The following FBRSL1 variants were observed in gnomAD, a reference collection of about 807,000 sequenced individuals.
FBRSL1 encodes fibrosin-1-like protein.
A neutral mutation model predicts 89.6 loss-of-function variants in FBRSL1; 51 were observed. That is an observed-to-expected ratio of 0.57 (90% CI 0.45 to 0.72). FBRSL1 has a LOEUF of 0.72. Among genes scored for constraint, FBRSL1 ranks in the 30% least tolerant of loss-of-function variants. FBRSL1 has a pLI of 0.00. For synonymous variants in FBRSL1, 779 were observed against 681.1 expected (o/e 1.14, Z -2.24); for missense variants, 1,618 against 1,451.8 (o/e 1.11, Z -1.86).
chr12:132,568,076 G>A (rs1342402664), intron 6 of FBRSL1, among the ~76,000 whole-genome samples: 1 of 148,466 alleles, frequency 6.7e-6, no homozygotes, highest in African/African-American at 2.6e-5. Context: ...TTCGTAACCT[G>A]TGGCTGTGAG....
intron 1 of FBRSL1, among the ~76,000 whole-genome samples, chr12:132,501,811 C>T (rs1008139489): frequency 1.3e-5 from 2 of 152,040 alleles, no homozygotes; most frequent in Non-Finnish European, 1.5e-5. Context: ...CAGGAGCTGG[C>T]GGGGAGCAGG....
chr12:132,556,313 G>A (rs572502037), intron 5 of FBRSL1, among the ~76,000 whole-genome samples: 10 of 152,168 alleles, frequency 6.6e-5, no homozygotes, highest in South Asian at 2.1e-4. Context: ...ACACCTCTGC[G>A]ACAGACAGAA....
At chr12:132,511,092 A>C in intron 2 of FBRSL1, 1 of 985,586 alleles carries the variant, frequency 1.0e-6, no homozygotes, top group Non-Finnish European at 1.2e-6. Flanking sequence ...CCTGGTAGTC[A>C]GGAGGTGCTG....
intron 2 of FBRSL1, chr12:132,510,888 G>T: frequency 9.9e-7 from 1 of 1,012,186 alleles, no homozygotes; most frequent in Non-Finnish European, 1.2e-6. Context: ...CTGAGTCTAC[G>T]TGCACGCTTG....
At chr12:132,561,238 A>T (rs2039096738) in intron 5 of FBRSL1, among the ~76,000 whole-genome samples, 1 of 151,250 alleles carries the variant, frequency 6.6e-6, no homozygotes, top group South Asian at 2.1e-4. Context: ...TGCTAAGTGT[A>T]GGGCCCACTG....
At chr12:132,554,560 TC>T (rs1183167710) in intron 5 of FBRSL1, 1 of 152,244 alleles carries the variant, frequency 6.6e-6, no homozygotes, top group Non-Finnish European at 1.5e-5. Flanking sequence ...ATGCCTGTAA[TC>T]CCAGCACTTT....
chr12:132,521,636 G>C (rs777157136), intron 2 of FBRSL1, among the ~76,000 whole-genome samples: 1 of 152,222 alleles, frequency 6.6e-6, no homozygotes, highest in Non-Finnish European at 1.5e-5. Flanking sequence ...TGAATGTGAT[G>C]CCATGGGATG....
Position 132,499,051 on chromosome 12 carries a change from G to A in FBRSL1, c.291+8190G>A, listed in dbSNP as rs1326773595. Among the ~76,000 whole-genome samples the A allele has an allele frequency of 6.6e-6, 1 of 152,200 alleles. No individual in the cohort carries two copies. The highest frequency in any genetic ancestry group is 1.5e-5 in the Non-Finnish European group (1 of 68,030). On this transcript the variant is annotated intron_variant, in intron 1 of 18. Coordinates refer to ENST00000680143, the MANE Select transcript of FBRSL1 (RefSeq NM_001367871.1). This position sits in a 1 kb window ranked among gnomAD's most constrained non-coding sequence, Gnocchi z 4.3. ...GTACCTGCCACCTCTGCTGTCCCCT[G>A]GGACAGTGCTCTGCAAGGCCTCCAG...
In FBRSL1 at chr12:132,581,429, C is replaced by T. The variant is rs777196823; in HGVS notation, c.1835-10C>T. Reference sequence around the variant, plus strand: ...TCCTGGCTTCTGTCAAACCTGGCTGCCCCCCCCAGGTGCCGCCCATCCTGC... The same window carrying T: ...TCCTGGCTTCTGTCAAACCTGGCTGTCCCCCCCAGGTGCCGCCCATCCTGC... On this transcript the variant is annotated splice_polypyrimidine_tract_variant and intron_variant, in intron 15 of 18. Coordinates refer to ENST00000680143, the MANE Select transcript of FBRSL1 (RefSeq NM_001367871.1). 6 of 1,545,342 alleles carry T rather than the reference C, an allele frequency of 3.9e-6. No individual in the cohort carries two copies. The highest frequency in any genetic ancestry group is 1.2e-5 in the South Asian group (1 of 83,920).
Position 132,582,215 on chromosome 12 carries a change from C to T in FBRSL1, c.2150C>T (p.Ala717Val), listed in dbSNP as rs1405496180. ...PKSVDAERVS[A>V]LTNHDREPDN... is the part of the protein sequence containing the mutation. ...TCCGTGGACGCGGAGCGGGTGTCAG[C>T]CCTGACCAACCATGACCGAGAGCCG... Residue 717 changes from alanine (A) to valine (V), a missense_variant, in exon 18 of 19, where the codon GCC (alanine) becomes GTC (valine). Physicochemically the swap from Ala to Val is moderately conservative, Grantham distance 64. Coordinates refer to ENST00000680143, the MANE Select transcript of FBRSL1 (RefSeq NM_001367871.1). 3 of 1,550,098 alleles carry T rather than the reference C, an allele frequency of 1.9e-6. No individual in the cohort carries two copies. Among genetic ancestry groups the T allele is most frequent in the Non-Finnish European group, 2.6e-6 (3 of 1,146,886 alleles).
At chr12:132,496,831 C>A (rs762107161) in intron 1 of FBRSL1, among the ~76,000 whole-genome samples, 1 of 141,180 alleles carries the variant, frequency 7.1e-6, no homozygotes, top group African/African-American at 2.6e-5. Flanking sequence ...GCGCTTCCTT[C>A]CCAGGCCCTG....
In FBRSL1 at chr12:132,508,773, C is replaced by T. The variant is rs117378877; in HGVS notation, c.489+423C>T. Among the ~76,000 whole-genome samples, 74 of 152,360 alleles carry T rather than the reference C, an allele frequency of 4.9e-4. 1 individual carries two copies. In the East Asian group the frequency reaches 8.1e-3, roughly 17 times the overall value. On this transcript the variant is annotated intron_variant, in intron 2 of 18. Transcript: ENST00000680143. ...CAGCGCCATCCGCTCACGTGTGCGG[C>T]GTGGGGAAGGGAATACTTGGTCCCG...
At chr12:132,541,640 C>T (rs1414160259) in intron 4 of FBRSL1, among the ~76,000 whole-genome samples, 1 of 152,240 alleles carries the variant, frequency 6.6e-6, no homozygotes, top group Non-Finnish European at 1.5e-5. Context: ...AATCGTGAGA[C>T]ATTTCACACA....
At chr12:132,577,919 A>G (rs1487051722) in intron 15 of FBRSL1, among the ~76,000 whole-genome samples, 1 of 152,204 alleles carries the variant, frequency 6.6e-6, no homozygotes, top group Admixed American at 6.5e-5. Context: ...AGTTACACAC[A>G]GTTACACATC....
At chr12:132,578,597 C>T (rs375330323) in intron 15 of FBRSL1, among the ~76,000 whole-genome samples, 31 of 152,264 alleles carry the variant, frequency 2.0e-4, no homozygotes, top group African/African-American at 6.3e-4. Context: ...TACAGGCACA[C>T]GTACACACAG....
rs896718672 is a variant in FBRSL1, at chr12:132,499,200, C to G, written c.291+8339C>G. ...ATGCTGCACAGTGGAGCCTCCAGGG[C>G]CGGCCAGGCAGGGATGGTGCCGGGC... On this transcript the variant is annotated intron_variant, in intron 1 of 18. Transcript: ENST00000680143. The surrounding 1 kb of genome is among the most constrained non-coding windows in gnomAD (Gnocchi z 4.3). Among the ~76,000 whole-genome samples the G allele has an allele frequency of 6.6e-6, 1 of 152,162 alleles. No homozygotes were observed. The highest frequency in any genetic ancestry group is 1.5e-5 in the Non-Finnish European group (1 of 68,030).
intron 2 of FBRSL1, among the ~76,000 whole-genome samples, chr12:132,516,994 C>T (rs12811136): frequency 0.065 from 9,826 of 152,330 alleles, 360 homozygotes; most frequent in South Asian, 0.11. Context: ...ATTATGAATT[C>T]TCAGAGTAAT....
chr12:132,552,500 A>T (rs560455166), intron 5 of FBRSL1: 2 of 153,914 alleles, frequency 1.3e-5, no homozygotes, highest in South Asian at 3.6e-4. Context: ...AGAAGGGCGG[A>T]TGGATGGCTG....
chr12:132,578,572 G>C (rs115894973), intron 15 of FBRSL1, among the ~76,000 whole-genome samples: 1 of 152,060 alleles, frequency 6.6e-6, no homozygotes, highest in Admixed American at 6.6e-5. Flanking sequence ...GCATGCACAC[G>C]TACATACCCA....
Sources: gnomAD v4.1 joint callset for allele counts (sites outside exome capture counted in the v4.1 genomes callset) on GRCh38, gnomAD v4.1.1 for gene constraint, Gnocchi (gnomAD v3.1) non-coding constraint, MANE v1.5 for transcripts, NCBI Gene and HGNC (gene_info 2026-07-23, HGNC 2026-07-21) for gene names.